Variants in NTRK1 observed in about 807,000 individuals in gnomAD.
NTRK1 encodes the protein high affinity nerve growth factor receptor.
NTRK1 carries 62 observed loss-of-function variants against 86.8 expected under a neutral mutation model. The observed-to-expected ratio is 0.71, with a 90% CI of 0.58 to 0.88. NTRK1 has a LOEUF of 0.88. NTRK1 is among the 40% of genes least tolerant of loss of function. The probability of loss-of-function intolerance (pLI) is 0.00; values close to 1 mark genes in which losing one functional copy is unlikely to be tolerated. For missense variants in NTRK1, 967 were observed against 1,078.4 expected (o/e 0.90, Z 1.45); for synonymous variants, 469 against 456.6 (o/e 1.03, Z -0.35).
chr1:156,851,983 G>C, intron 2 of NTRK1: 2 of 1,611,012 alleles, frequency 1.2e-6, no homozygotes, highest in Non-Finnish European at 1.7e-6. Flanking sequence ...CAGAGTGCAG[G>C]CTGGCACAGC....
chr1:156,849,105 C>A (rs1558088432), intron 2 of NTRK1: 12 of 1,598,630 alleles, frequency 7.5e-6, no homozygotes, highest in Non-Finnish European at 1.0e-5. Context: ...GAGCGCCCAC[C>A]CTGACCCCGC....
intron 11 of NTRK1, 124 bp downstream of exon 11, chr1:156,875,132 T>C (rs1029180861): frequency 1.3e-6 from 1 of 772,038 alleles, no homozygotes; most frequent in Admixed American, 1.9e-5. Flanking sequence ...GTGAGTGTGT[T>C]TGGGGTATAA....
intron 2 of NTRK1, chr1:156,844,733 C>A (rs1486446175): frequency 6.2e-7 from 1 of 1,614,142 alleles, no homozygotes; most frequent in East Asian, 2.2e-5. Flanking sequence ...TACTTGATTT[C>A]GTACTTGAGG....
chr1:156,876,656 T>G, intron 14 of NTRK1, 84 bp downstream of exon 14: 1 of 1,499,250 alleles, frequency 6.7e-7, no homozygotes, highest in Non-Finnish European at 9.0e-7. Flanking sequence ...CCTGCTTGTC[T>G]TTCAAACCAA....
chr1:156,855,020 T>C (rs1283276531), intron 2 of NTRK1, among the ~76,000 whole-genome samples: 1 of 152,180 alleles, frequency 6.6e-6, no homozygotes, highest in Non-Finnish European at 1.5e-5. Context: ...TAACAGGAGC[T>C]TTACTACTAT....
intron 16 of NTRK1, 123 bp from the exon 17 acceptor site, chr1:156,881,334 G>A (rs1246104335): frequency 7.8e-6 from 7 of 893,252 alleles, no homozygotes; most frequent in Non-Finnish European, 1.2e-5. Context: ...GTTATTAGCA[G>A]CTAAGAAGCC....
chr1:156,875,725 G>GTGTA (rs2102916062), intron 12 of NTRK1, 59 bp downstream of exon 12: 1 of 1,560,812 alleles, frequency 6.4e-7, no homozygotes, highest in Non-Finnish European at 8.7e-7. Flanking sequence ...GTGTGTGTGT[G>GTGTA]TGTGTGTGTG....
rs202173290 is a variant in NTRK1 at position 156,816,617 on chromosome 1, CA to C, written c.-64+780del. 2,229 of 1,557,186 alleles carry C rather than the reference CA, an allele frequency of 1.4e-3. 10 individuals carry two copies. The African/African-American group carries it at 0.021, about 15-fold the overall frequency. On this transcript the variant is annotated intron_variant, in intron 1 of 16. Transcript: ENST00000392302. The stretch of plus-strand genomic sequence containing the variant: ...GGGAGCTCAAGCCCAGGAGGGAGGG[CA>C]GGGGGATGGGGGTCTTTGTGCCCCC...
chr1:156,851,526 C>T, intron 2 of NTRK1: 1 of 1,599,022 alleles, frequency 6.3e-7, no homozygotes, highest in South Asian at 1.1e-5. Flanking sequence ...GGAAGGTGGG[C>T]CCTCAGGACT....
At position 156,876,142 on chromosome 1, in the gene NTRK1, G is replaced by A. The variant is rs1571699266; in HGVS notation, c.1564G>A (p.Gly522Arg). The A allele has an allele frequency of 1.2e-6, 2 of 1,614,166 alleles. No individual in the cohort carries two copies. The highest frequency in any genetic ancestry group is 4.5e-5 in the East Asian group (2 of 44,886). The change falls in exon 13 of 17, where the codon GGG becomes AGG. Residue 522 changes from glycine to arginine, a missense_variant. Transcript: ENST00000524377. ...GTGGGAGCTGGGGGAGGGCGCCTTT[G>A]GGAAGGTCTTCCTTGCTGAGTGCCA... ...LKWELGEGAF[G>R]KVFLAECHNL...
chr1:156,866,429 AAGG>A (rs763001119), intron 3 of NTRK1, among the ~76,000 whole-genome samples: 38 of 152,144 alleles, frequency 2.5e-4, no homozygotes, highest in Admixed American at 1.2e-3. Context: ...GAGGGCCCGG[AAGG>A]AGGAGGAGGA....
chr1:156,875,433 G>A lies in NTRK1; in HGVS notation c.1355-87G>A, dbSNP rs965471489. 4 of 1,560,714 alleles carry A rather than the reference G, an allele frequency of 2.6e-6. No homozygotes were observed. In the Admixed American group the frequency reaches 6.7e-5, roughly 26 times the overall value. On this transcript the variant is annotated intron_variant, in intron 11 of 16. Coordinates refer to ENST00000524377, the MANE Select transcript of NTRK1 (RefSeq NM_002529.4). ...CAGTCTCTCCCCTGCAAGTTACAAG[G>A]TGGGGGTGACCAGGCATCCTGCAGG...
At chr1:156,834,849 G>A (rs992410810) in intron 1 of NTRK1, among the ~76,000 whole-genome samples, 1 of 152,094 alleles carries the variant, frequency 6.6e-6, no homozygotes, top group Non-Finnish European at 1.5e-5. Flanking sequence ...GGAAAGAAAG[G>A]AGAGTGGGAG....
At chr1:156,835,969 GACA>G (rs200461162) in intron 1 of NTRK1, among the ~76,000 whole-genome samples, 3,091 of 152,268 alleles carry the variant, frequency 0.02, 55 homozygotes, top group Non-Finnish European at 0.034. Flanking sequence ...TGAACCTGCT[GACA>G]ACTTCTGTCC....
At chr1:156,817,316 C>A (rs1654028920) in intron 1 of NTRK1, among the ~76,000 whole-genome samples, 1 of 151,954 alleles carries the variant, frequency 6.6e-6, no homozygotes, top group African/African-American at 2.4e-5. Context: ...GGCATGGTGG[C>A]TCATGCTTGT....
At chr1:156,861,274 CCTT>C in intron 1 of NTRK1, 128 bp downstream of exon 1, 5 of 1,065,092 alleles carry the variant, frequency 4.7e-6, no homozygotes, top group African/African-American at 5.9e-5. Context: ...CACCACGCAG[CCTT>C]CGGCGCTGCC....
In NTRK1 at chr1:156,875,126, G is replaced by A. The variant is rs1647821765; in HGVS notation, c.1354+118G>A. On this transcript the variant is annotated intron_variant, in intron 11 of 16. Transcript: ENST00000524377. The stretch of plus-strand genomic sequence containing the variant: ...CACATGGGAGTTCCAGGGCGTGTGA[G>A]TGTGTTTGGGGTATAAATGAAGGCC... 3 of 791,810 alleles carry A rather than the reference G, an allele frequency of 3.8e-6. No individual in the cohort carries two copies. The East Asian group carries it at 7.5e-5, about 20-fold the overall frequency. The allele number at this position is 791,810 out of a possible 1,614,324, so 49.0% of individuals were successfully genotyped here.
rs777419942 is a variant in NTRK1, at chr1:156,842,154, G to A, written c.11G>A (p.Arg4Gln). 14 of 1,613,922 alleles carry A rather than the reference G, an allele frequency of 8.7e-6. No individual in the cohort carries two copies. In the East Asian group the frequency reaches 1.1e-4, roughly 13 times the overall value. Reference sequence around the variant, plus strand: ...AAGTCCTGGGACACCATGCAGTTGCGGGCTGCTAGATCTCGGTGCACAAAC... The same window carrying A: ...AAGTCCTGGGACACCATGCAGTTGCAGGCTGCTAGATCTCGGTGCACAAAC... The change falls in exon 2 of 17, where the codon CGG (arginine) becomes CAG (glutamine). Residue 4 changes from arginine (R) to glutamine (Q), a missense_variant. Arg to Gln is a conservative substitution (Grantham distance 43, BLOSUM62 1). Coordinates refer to the NTRK1 transcript ENST00000392302.
chr1:156,843,210 C>T, intron 2 of NTRK1: 1 of 1,614,112 alleles, frequency 6.2e-7, no homozygotes, highest in Non-Finnish European at 8.5e-7. Flanking sequence ...TCCCGAGGCA[C>T]CTCCCATTCA....
Sources: allele counts gnomAD v4.1 joint callset (sites outside exome capture counted in the v4.1 genomes callset), GRCh38; gene constraint gnomAD v4.1.1; transcripts MANE v1.5; gene names NCBI Gene and HGNC (gene_info 2026-07-23, HGNC 2026-07-21).